RIMS1: variants seen among roughly 807,000 people sequenced by gnomAD.
RIMS1 encodes regulating synaptic membrane exocytosis protein 1.
RIMS1 carries 83 observed loss-of-function variants against 214.1 expected under a neutral mutation model. The ratio of observed to expected loss-of-function variants is 0.39; its 90% CI spans 0.32 to 0.47. RIMS1 has a LOEUF of 0.47. RIMS1 is among the 20% of genes least tolerant of loss of function. The probability of loss-of-function intolerance (pLI) is 0.99; values close to 1 mark genes in which losing one functional copy is unlikely to be tolerated. For missense variants in RIMS1, 2,050 were observed against 2,161.8 expected (o/e 0.95, Z 1.03); for synonymous variants, 793 against 786.8 (o/e 1.01, Z -0.13).
chr6:72,108,782 G>A (rs2035333573), intron 4 of RIMS1, among the ~76,000 whole-genome samples: 1 of 151,182 alleles, frequency 6.6e-6, no homozygotes, highest in South Asian at 2.1e-4. Context: ...CATGTGCCAT[G>A]CTGGTGTGCT....
At chr6:72,258,415 A>AT (rs1181184821) in intron 17 of RIMS1, 134 bp downstream of exon 17, 14 of 955,744 alleles carry the variant, frequency 1.5e-5, no homozygotes, top group Admixed American at 9.2e-5. Context: ...TGTAGGCAAA[A>AT]TTTTTTTTAT....
intron 2 of RIMS1, among the ~76,000 whole-genome samples, chr6:72,023,279 T>C (rs1293816701): frequency 6.6e-6 from 1 of 152,192 alleles, no homozygotes; most frequent in Non-Finnish European, 1.5e-5. Flanking sequence ...GTCTGATTTA[T>C]GATATAGAAC....
At chr6:72,301,615 G>A (rs1040306961) in intron 26 of RIMS1, among the ~76,000 whole-genome samples, 7 of 151,410 alleles carry the variant, frequency 4.6e-5, no homozygotes, top group Non-Finnish European at 8.9e-5. Context: ...TAAGTTGTAA[G>A]CCATTTAATA....
chr6:72,386,508 C>A (rs1487967109), intron 29 of RIMS1, among the ~76,000 whole-genome samples: 1 of 152,126 alleles, frequency 6.6e-6, no homozygotes, highest in Admixed American at 6.5e-5. Context: ...TCTGCCACAG[C>A]CACCATTACT....
intron 2 of RIMS1, among the ~76,000 whole-genome samples, chr6:72,025,684 A>G (rs1816213309): frequency 6.6e-6 from 1 of 152,122 alleles, no homozygotes; most frequent in East Asian, 1.9e-4. Flanking sequence ...CGCATAAATT[A>G]CCCCTAAATG....
At chr6:72,252,898 C>G in intron 16 of RIMS1, 66 bp downstream of exon 16, 1 of 1,211,668 alleles carries the variant, frequency 8.3e-7, no homozygotes, top group African/African-American at 1.5e-5. Flanking sequence ...TGTCAGCTTC[C>G]GGACCTCTTT....
Position 72,001,940 on chromosome 6 carries a change from C to G in RIMS1, c.245+32877C>G, listed in dbSNP as rs1025439803. ...GAGGATATGGAAATCCTCAAAAGAG[C>G]TTAAAATGTTCATTTTATCTTCATA... is the stretch of plus-strand genomic sequence containing the variant. On this transcript the variant is annotated intron_variant, in intron 2 of 33. Coordinates refer to ENST00000521978, the MANE Select transcript of RIMS1 (RefSeq NM_014989.7). Among the ~76,000 whole-genome samples the G allele has an allele frequency of 3.3e-5, 5 of 152,086 alleles. No individual in the cohort carries two copies. The South Asian group carries it at 1.0e-3, about 31-fold the overall frequency.
intron 1 of RIMS1, among the ~76,000 whole-genome samples, chr6:71,919,411 A>G (rs1262625980): frequency 6.6e-6 from 1 of 152,058 alleles, no homozygotes; most frequent in Non-Finnish European, 1.5e-5. Flanking sequence ...GGGAAGGAAA[A>G]AAAAACAATT....
Position 71,923,393 on chromosome 6 carries a change from C to G in RIMS1, c.164+36206C>G, listed in dbSNP as rs567445666. ...TGTAGTGCGGATTTTCTTCAGGATA[C>G]AAGGTGGTTAGATGGGAGCACTGTC... is the stretch of plus-strand genomic sequence containing the variant. On this transcript the variant is annotated intron_variant, in intron 1 of 33. Transcript: ENST00000521978. 3.9e-5 allele frequency among the ~76,000 whole-genome samples: 6 copies of G among 152,224 alleles called. No homozygotes were observed. In the South Asian group the frequency reaches 1.2e-3, roughly 32 times the overall value.
chr6:72,199,394 C>T (rs564502818), intron 6 of RIMS1, among the ~76,000 whole-genome samples: 10 of 152,178 alleles, frequency 6.6e-5, no homozygotes, highest in African/African-American at 1.9e-4. Flanking sequence ...AACCCTTGCA[C>T]ATTATTGCCA....
At chr6:72,022,905 T>A (rs149666516) in intron 2 of RIMS1, among the ~76,000 whole-genome samples, 19 of 152,274 alleles carry the variant, frequency 1.2e-4, no homozygotes, top group African/African-American at 4.3e-4. Context: ...GTATTCTTAA[T>A]GTAATATGAA....
chr6:72,296,132 A>G (rs952776587), intron 26 of RIMS1, among the ~76,000 whole-genome samples: 4 of 151,872 alleles, frequency 2.6e-5, no homozygotes, highest in Non-Finnish European at 5.9e-5. Context: ...TTCATATTCT[A>G]TGTTCACATC....
chr6:72,213,216 GT>G (rs1391789615), intron 6 of RIMS1: 2 of 1,536,058 alleles, frequency 1.3e-6, no homozygotes, highest in African/African-American at 2.7e-5. Flanking sequence ...TCGACGAGCA[GT>G]TGCTGGTAAG....
rs549979510 is a variant in RIMS1 at position 72,250,486 on chromosome 6, A to C, written c.2372+26A>C. ...GTAGTGAATAATTTTAGAAAAAAAA[A>C]ATCTTAAAATCTGTACTAATAGAAA... On this transcript the variant is annotated intron_variant, in intron 13 of 33. Coordinates refer to ENST00000521978, the MANE Select transcript of RIMS1 (RefSeq NM_014989.7). 7 of 1,466,580 alleles carry C rather than the reference A, an allele frequency of 4.8e-6. No homozygotes were observed. The Admixed American group carries it at 1.5e-4, about 31-fold the overall frequency. The allele number at this position is 1,466,580 out of a possible 1,614,324, so 90.8% of individuals were successfully genotyped here.
At chr6:72,225,232 CT>C (rs5877321) in intron 6 of RIMS1, among the ~76,000 whole-genome samples, 95,027 of 151,864 alleles carry the variant, frequency 0.63, 30,196 homozygotes, top group East Asian at 0.98. Context: ...AACTTTTCTA[CT>C]TTTTTGTAGA....
At chr6:71,920,185 C>A (rs1779581020) in intron 1 of RIMS1, among the ~76,000 whole-genome samples, 1 of 152,152 alleles carries the variant, frequency 6.6e-6, no homozygotes, top group African/African-American at 2.4e-5. Context: ...AGAGAAGATT[C>A]ATTCACATTA....
intron 6 of RIMS1, among the ~76,000 whole-genome samples, chr6:72,192,297 C>A (rs910036717): frequency 3.3e-5 from 5 of 152,178 alleles, no homozygotes; most frequent in African/African-American, 7.2e-5. Context: ...AATGTCTGAT[C>A]ATTTTTTCCT....
chr6:72,209,811 GA>G (rs1372129249), intron 6 of RIMS1, among the ~76,000 whole-genome samples: 1 of 147,900 alleles, frequency 6.8e-6, no homozygotes, highest in Non-Finnish European at 1.5e-5. Context: ...TGAGGCAGGA[GA>G]ATGGCATGAA....
intron 29 of RIMS1, among the ~76,000 whole-genome samples, chr6:72,367,549 A>G (rs548102206): frequency 5.9e-5 from 9 of 152,298 alleles, no homozygotes; most frequent in African/African-American, 1.9e-4. Flanking sequence ...TTTCAGAAAA[A>G]GTGTGGGTAG....
Sources: gnomAD v4.1 joint callset for allele counts (sites outside exome capture counted in the v4.1 genomes callset) on GRCh38, gnomAD v4.1.1 for gene constraint, MANE v1.5 for transcripts, NCBI Gene and HGNC (gene_info 2026-07-23, HGNC 2026-07-21) for gene names.